NOP56: variants seen among roughly 807,000 people sequenced by gnomAD.
NOP56 encodes nucleolar protein 56.
In NOP56, 31 loss-of-function variants were observed where a neutral mutation model predicts 58.3. That is an observed-to-expected ratio of 0.53 (90% CI 0.40 to 0.72). The LOEUF (loss-of-function observed/expected upper bound fraction) is 0.72. Ranked by LOEUF, NOP56 falls within the 30% of genes least tolerant of loss-of-function variation. The pLI is 0.00. For synonymous variants in NOP56, 313 were observed against 282.8 expected, an observed-to-expected ratio of 1.11 and a Z score of -1.07; for missense variants, 669 against 739.9, an observed-to-expected ratio of 0.90 and a Z score of 1.11.
chr20:2,652,785 C>T (rs1178181558), intron 1 of NOP56, 57 bp from the exon 2 acceptor site: 2 of 1,567,580 alleles, frequency 1.3e-6, no homozygotes, highest in African/African-American at 2.7e-5. Context: ...GCCCTGGGAA[C>T]GGGTTCCGGC....
chr20:2,652,732 A>AGGGCCTGGGCCTGGGCCTGGGCCT lies in NOP56; in HGVS notation c.3+71_4-85dup, dbSNP rs1555779353. 7 of 1,106,258 alleles carry AGGGCCTGGGCCTGGGCCTGGGCCT rather than the reference A, an allele frequency of 6.3e-6. No homozygotes were observed. The South Asian group carries it at 9.7e-5, about 15-fold the overall frequency. 68.5% of individuals were successfully genotyped at this position (1,106,258 alleles called of 1,614,324 possible). A position where few individuals can be genotyped will look rare whatever the true frequency, so the allele number is the denominator to read the frequency against. ...TTCGGCCTGCGTTCGGGCCGCAGAC[A>AGGGCCTGGGCCTGGGCCTGGGCCT]GGGCCTGGGCCTGGGCCTGGGCCTG... On this transcript the variant is annotated intron_variant, in intron 1 of 11. Transcript: ENST00000329276.
At position 2,654,943 on chromosome 20, in the gene NOP56, G is replaced by A. The variant is rs768477850; in HGVS notation, c.565G>A (p.Val189Ile). ...DKDINTFSMRVREWYGYHFPE... is the reference protein window; with the variant it reads ...DKDINTFSMRIREWYGYHFPE... Reference sequence around the variant, plus strand: ...GGACATCAATACCTTCTCTATGCGTGTCAGGTAAAGTGCAGGGGCCACCCA... The same window carrying A: ...GGACATCAATACCTTCTCTATGCGTATCAGGTAAAGTGCAGGGGCCACCCA... Residue 189 changes from valine (V) to isoleucine (I), a missense_variant, in exon 5 of 12, where the codon GTC (valine) becomes ATC (isoleucine). Transcript: ENST00000329276. 12 of 1,613,972 alleles carry A rather than the reference G, an allele frequency of 7.4e-6. No individual in the cohort carries two copies. The South Asian group carries it at 1.3e-4, about 18-fold the overall frequency.
At chr20:2,653,511 A>C in intron 3 of NOP56, 118 bp downstream of exon 3, 1 of 764,986 alleles carries the variant, frequency 1.3e-6, no homozygotes, top group Non-Finnish European at 2.3e-6. Context: ...GGCGTGAGGC[A>C]GTATTTGAGC....
chr20:2,657,423 C>T (rs1038305103), intron 11 of NOP56: 1 of 786,752 alleles, frequency 1.3e-6, no homozygotes, highest in African/African-American at 1.7e-5. Flanking sequence ...CTGGTTGTAG[C>T]TCACACCCGT....
intron 8 of NOP56, 176 bp downstream of exon 8, chr20:2,656,210 T>G (rs775925991): frequency 6.2e-7 from 1 of 1,605,124 alleles, no homozygotes; most frequent in Non-Finnish European, 8.5e-7. Flanking sequence ...GGACCAAGTT[T>G]CCAGGTCAGC....
At position 2,656,569 on chromosome 20, in the gene NOP56, G is replaced by C; in HGVS notation, c.1159+20G>C. On this transcript the variant is annotated intron_variant, in intron 9 of 11. Coordinates refer to ENST00000329276, the MANE Select transcript of NOP56 (RefSeq NM_006392.4). ...TCTCTGGTATGGGTGGGGGGGCGTT[G>C]GCAGGTGTGAGAAGGGGCTGGGTGG... 1 of 1,613,144 alleles carries C rather than the reference G, an allele frequency of 6.2e-7. No homozygotes were observed. The highest frequency in any genetic ancestry group is 8.5e-7 in the Non-Finnish European group (1 of 1,179,940).
At chr20:2,654,029 G>A (rs1278680994) in intron 3 of NOP56, 1 of 400,840 alleles carries the variant, frequency 2.5e-6, no homozygotes, top group Non-Finnish European at 5.0e-6. Context: ...ACAATCAAGT[G>A]TCTGGTTCTC....
rs2086828224 is a variant in NOP56 at position 2,656,874 on chromosome 20, C to T, written c.1260C>T (p.Val420=). ...TGEIPRKNLD[V]MKEAMVQAEE... ...AGATACCACGAAAGAATCTGGATGT[C>T]ATGAAGGAAGCAATGGTTCAGGTCA... The change falls in exon 10 of 12, where the codon GTC becomes GTT. Residue 420 remains valine, a synonymous_variant. Coordinates refer to ENST00000329276, the MANE Select transcript of NOP56 (RefSeq NM_006392.4). The T allele has an allele frequency of 6.2e-7, 1 of 1,614,080 alleles. No individual in the cohort carries two copies. The highest frequency in any genetic ancestry group is 8.5e-7 in the Non-Finnish European group (1 of 1,180,040).
At chr20:2,653,575 CTG>C (rs1435561765) in intron 3 of NOP56, 182 bp downstream of exon 3, 3 of 605,390 alleles carry the variant, frequency 5.0e-6, no homozygotes, top group East Asian at 2.8e-5. Context: ...GGTCTGGGAA[CTG>C]TGCTAGACCA....
In NOP56 at chr20:2,652,892, G is replaced by A. The variant is rs1480848835; in HGVS notation, c.54G>A (p.Ala18=). 6.2e-7 allele frequency: 1 copy of A among 1,610,564 alleles called. No individual in the cohort carries two copies. Among genetic ancestry groups the A allele is most frequent in the Non-Finnish European group, 8.5e-7 (1 of 1,178,828 alleles). ...ACGCGGTCGGCTACGCGCTGCTGGC[G>A]CTGAAGGAAGTGGAGGAGATCAGTC... ...FEHAVGYALL[A]LKEVEEISLL... is the part of the protein sequence containing the mutation. The change falls in exon 2 of 12, where the codon GCG becomes GCA. Residue 18 remains alanine, a synonymous_variant. Coordinates refer to ENST00000329276, the MANE Select transcript of NOP56 (RefSeq NM_006392.4).
chr20:2,652,795 C>A (rs765226499), intron 1 of NOP56, 47 bp from the exon 2 acceptor site: 1 of 1,562,438 alleles, frequency 6.4e-7, no homozygotes, highest in Non-Finnish European at 8.7e-7. Context: ...CGGGTTCCGG[C>A]AGACGCTGAG....
intron 3 of NOP56, chr20:2,653,861 G>A (rs1004017372): frequency 7.1e-6 from 2 of 281,938 alleles, no homozygotes; most frequent in Non-Finnish European, 1.4e-5. Flanking sequence ...CACCATGTTG[G>A]CCAGGCTAGT....
rs753191170 is a variant in NOP56, at chr20:2,658,132, G to A, written c.1623G>A (p.Glu541=). 6.2e-7 allele frequency: 1 copy of A among 1,613,972 alleles called. No homozygotes were observed. The highest frequency in any genetic ancestry group is 1.7e-5 in the Admixed American group (1 of 59,976). Residue 541 remains glutamate, a synonymous_variant, in exon 12 of 12, where the codon GAG becomes GAA. Transcript: ENST00000329276. Reference sequence around the variant, plus strand: ...AGAGGAAGAAGTCTACACCCAAGGAGGAAACAGTTAATGACCCTGAGGAGG... The same window carrying A: ...AGAGGAAGAAGTCTACACCCAAGGAAGAAACAGTTAATGACCCTGAGGAGG... The part of the protein sequence containing the change: ...IPKRKKSTPK[E]ETVNDPEEAG...
In NOP56 at chr20:2,655,460, A is replaced by C; in HGVS notation, c.705A>C (p.Thr235=). 1 of 1,614,110 alleles carries C rather than the reference A, an allele frequency of 6.2e-7. No individual in the cohort carries two copies. Among genetic ancestry groups the C allele is most frequent in the East Asian group, 2.2e-5 (1 of 44,886 alleles). ...EDKLEKLEEL[T]MDGAKAKAIL... ...AGCTGGAGAAGCTGGAGGAGCTGAC[A>C]ATGGATGGGGCCAAGGCTAAGGCTA... is the stretch of plus-strand genomic sequence containing the variant. The change falls in exon 6 of 12, where the codon ACA becomes ACC. Residue 235 remains threonine, a synonymous_variant. Coordinates refer to ENST00000329276, the MANE Select transcript of NOP56 (RefSeq NM_006392.4).
In NOP56 at chr20:2,658,156, G is replaced by T; in HGVS notation, c.1647G>T (p.Glu549Asp). 1.9e-6 allele frequency: 3 copies of T among 1,613,690 alleles called. No individual in the cohort carries two copies. The highest frequency in any genetic ancestry group is 2.5e-6 in the Non-Finnish European group (3 of 1,179,792). ...AGGAAACAGTTAATGACCCTGAGGA[G>T]GCAGGCCACAGAAGTGGCTCCAAGA... The part of the protein sequence containing the change: ...PKEETVNDPE[E>D]AGHRSGSKKK... The change falls in exon 12 of 12, where the codon GAG (glutamate) becomes GAT (aspartate). Residue 549 changes from glutamate to aspartate, a missense_variant. Physicochemically the swap from Glu to Asp is conservative, Grantham distance 45. Coordinates refer to ENST00000329276, the MANE Select transcript of NOP56 (RefSeq NM_006392.4).
chr20:2,652,745 G>GGGCCTT, intron 1 of NOP56, 82 bp downstream of exon 1: 2 of 1,526,588 alleles, frequency 1.3e-6, no homozygotes, highest in Non-Finnish European at 1.8e-6. Flanking sequence ...GCCTGGGCCT[G>GGGCCTT]GGCCTGGGCC....
Position 2,658,384 on chromosome 20 carries a change from A to T in NOP56, c.*90A>T. 2 of 1,611,138 alleles carry T rather than the reference A, an allele frequency of 1.2e-6. No homozygotes were observed. The highest frequency in any genetic ancestry group is 3.4e-5 in the Admixed American group (2 of 59,604). The stretch of plus-strand genomic sequence containing the variant: ...GTGCCGTGTTCCCCAATAAAAACAA[A>T]TTCACAAGAGTTGGTTCATGTTCTT... On this transcript the variant is annotated 3_prime_UTR_variant, in exon 12 of 12. Coordinates refer to ENST00000329276, the MANE Select transcript of NOP56 (RefSeq NM_006392.4).
rs781242755 is a variant in NOP56 at position 2,655,443 on chromosome 20, AAGCTGGAGG to A, written c.694_702del (p.Glu232_Leu234del). Reference sequence around the variant, plus strand: ...GGAACTGAATGAGGACAAGCTGGAGAAGCTGGAGGAGCTGACAATGGATGGGGCCAAGGC... The same window carrying A: ...GGAACTGAATGAGGACAAGCTGGAGAAGCTGACAATGGATGGGGCCAAGGC... On this transcript the variant is annotated inframe_deletion, in exon 6 of 12. Coordinates refer to ENST00000329276, the MANE Select transcript of NOP56 (RefSeq NM_006392.4). The A allele has an allele frequency of 2.5e-6, 4 of 1,614,102 alleles. No homozygotes were observed. The highest frequency in any genetic ancestry group is 1.7e-5 in the Admixed American group (1 of 60,010).
At chr20:2,656,138 G>T (rs763443810) in intron 8 of NOP56, 104 bp downstream of exon 8, 2 of 1,611,394 alleles carry the variant, frequency 1.2e-6, no homozygotes, top group Non-Finnish European at 1.7e-6. Flanking sequence ...ACCTATACAG[G>T]CCTCTGCTAT....
Sources: gnomAD v4.1 joint callset for allele counts on GRCh38, gnomAD v4.1.1 for gene constraint, MANE v1.5 for transcripts, NCBI Gene and HGNC (gene_info 2026-07-23, HGNC 2026-07-21) for gene names.